BTBD9: variants seen among roughly 807,000 people sequenced by gnomAD.
BTBD9 encodes the protein BTB/POZ domain-containing protein 9.
In BTBD9, 49 loss-of-function variants were observed where a neutral mutation model predicts 64.3. The observed-to-expected ratio is 0.76, with a 90% CI of 0.61 to 0.97. The LOEUF (loss-of-function observed/expected upper bound fraction) is 0.97. BTBD9 is among the 50% of genes least tolerant of loss of function. The pLI, the probability that BTBD9 is intolerant of heterozygous loss-of-function variation, is 0.00. For synonymous variants in BTBD9, 260 were observed against 274.7 expected (o/e 0.95, Z 0.53); for missense variants, 598 against 762.1 (o/e 0.78, Z 2.53).
chr6:38,470,079 G>A (rs983787192), intron 6 of BTBD9, among the ~76,000 whole-genome samples: 4 of 152,170 alleles, frequency 2.6e-5, no homozygotes, highest in South Asian at 2.1e-4. Context: ...AACAGAGAAA[G>A]AAAAGAGAAG....
At position 38,177,355 on chromosome 6, in the gene BTBD9, C is replaced by T. The variant is rs568513998; in HGVS notation, c.1642-2173G>A. Among the ~76,000 whole-genome samples the T allele has an allele frequency of 9.8e-5, 15 of 152,366 alleles. No individual in the cohort carries two copies. In the East Asian group the frequency reaches 2.7e-3, roughly 27 times the overall value. ...AGGCCAGCTCTTCCCCCACCGGCCC[C>T]GCAAGCCTTCAGGGTGCCTCCCGCT... On this transcript the variant is annotated intron_variant, in intron 10 of 10. Coordinates refer to ENST00000481247, the MANE Select transcript of BTBD9 (RefSeq NM_001099272.2).
At chr6:38,239,133 C>T (rs1763901304) in intron 9 of BTBD9, among the ~76,000 whole-genome samples, 1 of 152,114 alleles carries the variant, frequency 6.6e-6, no homozygotes, top group Non-Finnish European at 1.5e-5. Context: ...TCACTTTACA[C>T]TTCAGATATA....
At chr6:38,422,087 G>T (rs1170062689) in intron 6 of BTBD9, among the ~76,000 whole-genome samples, 1 of 152,144 alleles carries the variant, frequency 6.6e-6, no homozygotes, top group Admixed American at 6.5e-5. Context: ...TAAACCAGGG[G>T]TTTTCATGGG....
intron 10 of BTBD9, among the ~76,000 whole-genome samples, chr6:38,180,639 G>C (rs1761513339): frequency 6.6e-6 from 1 of 152,184 alleles, no homozygotes; most frequent in African/African-American, 2.4e-5. Flanking sequence ...GAAAGGACGT[G>C]ACCAAATGTG....
chr6:38,250,273 CT>C (rs1392236985), intron 9 of BTBD9, among the ~76,000 whole-genome samples: 1 of 152,176 alleles, frequency 6.6e-6, no homozygotes, highest in African/African-American at 2.4e-5. Context: ...CATAAACAAT[CT>C]GTTCAAAATC....
chr6:38,368,396 G>A (rs561271909), intron 6 of BTBD9, among the ~76,000 whole-genome samples: 3 of 151,980 alleles, frequency 2.0e-5, no homozygotes, highest in African/African-American at 7.2e-5. Flanking sequence ...GTGCAGTGGC[G>A]TGATCTCAGC....
chr6:38,565,110 A>G (rs1775432564), intron 6 of BTBD9, among the ~76,000 whole-genome samples: 1 of 152,094 alleles, frequency 6.6e-6, no homozygotes, highest in Non-Finnish European at 1.5e-5. Flanking sequence ...TATTCAATCA[A>G]TCATAAAGTT....
In BTBD9 at chr6:38,374,299, ATATATATG is replaced by A. The variant is rs1230513927; in HGVS notation, c.1155-29214_1155-29207del. Among the ~76,000 whole-genome samples the A allele has an allele frequency of 1.0e-3, 94 of 93,842 alleles. 14 individuals are homozygous for A. The highest frequency in any genetic ancestry group is 3.8e-3 in the African/African-American group (75 of 19,498). 61.6% of individuals were successfully genotyped at this position (93,842 alleles called of 152,430 possible). On this transcript the variant is annotated intron_variant, in intron 6 of 10. Transcript: ENST00000481247. ...AAAAAAAAAGTATATATATATATGT[ATATATATG>A]TATATATATATATATATATGTATAT...
intron 6 of BTBD9, among the ~76,000 whole-genome samples, chr6:38,391,025 C>T (rs929830312): frequency 1.3e-5 from 2 of 152,138 alleles, no homozygotes; most frequent in Non-Finnish European, 2.9e-5. Context: ...TTATTGTCTC[C>T]GTAATCCTGG....
At chr6:38,332,897 AT>A (rs1278770303) in intron 7 of BTBD9, among the ~76,000 whole-genome samples, 5 of 152,180 alleles carry the variant, frequency 3.3e-5, no homozygotes, top group Non-Finnish European at 5.9e-5. Flanking sequence ...CAAGGTAGGC[AT>A]TTGTTGTTTG....
rs577108887 is a variant in BTBD9 at position 38,213,778 on chromosome 6, G to A, written c.1563-21181C>T. ...GGGCGGATCATGAGGTGAGGAGATC[G>A]AGACCCTCCTGGCTAACATGGTGAA... On this transcript the variant is annotated intron_variant, in intron 9 of 10. Transcript: ENST00000481247. Among the ~76,000 whole-genome samples, 6 of 152,070 alleles carry A rather than the reference G, an allele frequency of 3.9e-5. No homozygotes were observed. The East Asian group carries it at 1.2e-3, about 29-fold the overall frequency.
chr6:38,218,823 T>C (rs1332349170), intron 9 of BTBD9, among the ~76,000 whole-genome samples: 1 of 152,252 alleles, frequency 6.6e-6, no homozygotes, highest in Non-Finnish European at 1.5e-5. Flanking sequence ...CAACTGACTA[T>C]ATATTTCTCA....
rs1766910231 is a variant in BTBD9 at position 38,174,390 on chromosome 6, C to G, written c.*595G>C. 1 of 152,356 alleles carries G rather than the reference C, an allele frequency of 6.6e-6. No individual in the cohort carries two copies. Among genetic ancestry groups the G allele is most frequent in the Non-Finnish European group, 1.5e-5 (1 of 68,170 alleles). The allele number at this position is 152,356 out of a possible 1,614,324, so 9.4% of individuals were successfully genotyped here. Reference sequence around the variant, plus strand: ...TGGGTCTCTGTCCCCGCAAGCTGAACCGTTCAAAACCAAGGAAGGAAAATT... The same window carrying G: ...TGGGTCTCTGTCCCCGCAAGCTGAAGCGTTCAAAACCAAGGAAGGAAAATT... On this transcript the variant is annotated 3_prime_UTR_variant, in exon 11 of 11. Transcript: ENST00000481247.
At chr6:38,265,382 A>C (rs1764935574) in intron 8 of BTBD9, among the ~76,000 whole-genome samples, 1 of 152,124 alleles carries the variant, frequency 6.6e-6, no homozygotes, top group Non-Finnish European at 1.5e-5. Flanking sequence ...AGTATAATCT[A>C]GGTATGTTAT....
At chr6:38,415,548 T>C (rs1255269182) in intron 6 of BTBD9, among the ~76,000 whole-genome samples, 1 of 152,204 alleles carries the variant, frequency 6.6e-6, no homozygotes, top group Non-Finnish European at 1.5e-5. Flanking sequence ...TTCGTGTTGT[T>C]TTAAGCCACG....
intron 6 of BTBD9, among the ~76,000 whole-genome samples, chr6:38,363,279 T>A (rs867852008): frequency 1.6e-4 from 25 of 152,214 alleles, no homozygotes; most frequent in Middle Eastern, 3.4e-3. Context: ...AACATTTCTC[T>A]AGGCTGGGAG....
chr6:38,557,015 CAAAAAAAAAAAAAAAAAAAAAAAAAA>C lies in BTBD9; in HGVS notation c.1154+20559_1154+20584del, dbSNP rs397888418. Among the ~76,000 whole-genome samples the C allele has an allele frequency of 1.7e-3, 26 of 15,408 alleles. No individual in the cohort carries two copies. In the South Asian group the frequency reaches 0.064, roughly 38 times the overall value. 10.1% of individuals were successfully genotyped at this position (15,408 alleles called of 152,430 possible). A position where few individuals can be genotyped will look rare whatever the true frequency, so the allele number is the denominator to read the frequency against. The stretch of plus-strand genomic sequence containing the variant: ...GGAACAGAGCGAGACTCCATCTCAC[CAAAAAAAAAAAAAAAAAAAAAAAAAA>C]AAAAAAAAAAAAAAAGGGCCAGGCA... On this transcript the variant is annotated intron_variant, in intron 6 of 10. Transcript: ENST00000481247.
At chr6:38,478,489 C>G (rs937722969) in intron 6 of BTBD9, among the ~76,000 whole-genome samples, 47 of 152,076 alleles carry the variant, frequency 3.1e-4, no homozygotes, top group African/African-American at 1.0e-3. Context: ...AGGATGGTGT[C>G]AAATCTCATC....
intron 1 of BTBD9, among the ~76,000 whole-genome samples, chr6:38,623,432 G>C (rs745709227): frequency 7.2e-5 from 11 of 152,052 alleles, no homozygotes; most frequent in Admixed American, 2.0e-4. Context: ...GGATTTTTCA[G>C]ACAGTTTGCA....
Sources: gnomAD v4.1 joint callset for allele counts (sites outside exome capture counted in the v4.1 genomes callset) on GRCh38, gnomAD v4.1.1 for gene constraint, MANE v1.5 for transcripts, NCBI Gene and HGNC (gene_info 2026-07-23, HGNC 2026-07-21) for gene names.